Variants in ZSCAN5A observed in about 807,000 individuals in gnomAD.
ZSCAN5A encodes the protein zinc finger and SCAN domain-containing protein 5A.
In ZSCAN5A, 12 loss-of-function variants were observed where a neutral mutation model predicts 23.7. The ratio of observed to expected loss-of-function variants is 0.51; its 90% CI spans 0.32 to 0.82. The LOEUF (loss-of-function observed/expected upper bound fraction) is 0.82. ZSCAN5A is among the 40% of genes least tolerant of loss of function. The pLI, the probability that ZSCAN5A is intolerant of heterozygous loss-of-function variation, is 0.03. For synonymous variants in ZSCAN5A, 257 were observed against 239.9 expected (o/e 1.07, Z -0.66); for missense variants, 597 against 617.9 (o/e 0.97, Z 0.36).
chr19:56,247,457 C>T (rs1190672935), intron 2 of ZSCAN5A: 1 of 168,414 alleles, frequency 5.9e-6, no homozygotes, highest in Non-Finnish European at 1.3e-5. Context: ...CACCAGAAAA[C>T]ACATCAAGAA....
intron 2 of ZSCAN5A, among the ~76,000 whole-genome samples, chr19:56,322,476 C>T (rs1329828586): frequency 1.3e-5 from 2 of 152,210 alleles, no homozygotes; most frequent in Admixed American, 6.5e-5. Context: ...TTACACTTCA[C>T]CAGCTTTTCC....
At chr19:56,299,581 T>A (rs1463775048) in intron 2 of ZSCAN5A, among the ~76,000 whole-genome samples, 1 of 152,110 alleles carries the variant, frequency 6.6e-6, no homozygotes. Context: ...AGGGGTTGGG[T>A]CCAGGACCTC....
At chr19:56,233,852 A>T (rs1000279305) in intron 2 of ZSCAN5A, among the ~76,000 whole-genome samples, 11 of 152,112 alleles carry the variant, frequency 7.2e-5, no homozygotes, top group Non-Finnish European at 2.9e-5. Flanking sequence ...GCAAATGCGG[A>T]GCCACCCTCA....
intron 2 of ZSCAN5A, among the ~76,000 whole-genome samples, chr19:56,251,148 TAAAA>T (rs34825803): frequency 2.3e-5 from 3 of 131,028 alleles, no homozygotes; most frequent in Non-Finnish European, 4.8e-5. Context: ...AGACTCCGTG[TAAAA>T]AAAAAAAAAA....
intron 2 of ZSCAN5A, among the ~76,000 whole-genome samples, chr19:56,265,754 T>C (rs1207374357): frequency 1.3e-5 from 2 of 152,160 alleles, no homozygotes; most frequent in African/African-American, 4.8e-5. Flanking sequence ...AAGCATTAAA[T>C]CTGCTTCTTC....
chr19:56,340,399 C>T (rs773092845), intron 2 of ZSCAN5A, among the ~76,000 whole-genome samples: 1 of 152,264 alleles, frequency 6.6e-6, no homozygotes, highest in Non-Finnish European at 1.5e-5. Flanking sequence ...GTTAGATTGT[C>T]GGATCTCCAG....
chr19:56,234,748 G>A (rs2868537), intron 2 of ZSCAN5A, among the ~76,000 whole-genome samples: 115,771 of 152,102 alleles, frequency 0.76, 44,297 homozygotes, highest in Admixed American at 0.81. Flanking sequence ...AATCAATCAC[G>A]ACCCTTTCAT....
chr19:56,280,906 A>G (rs797002061), intron 2 of ZSCAN5A, among the ~76,000 whole-genome samples: 12 of 152,268 alleles, frequency 7.9e-5, no homozygotes, highest in African/African-American at 2.9e-4. Context: ...AAACCATAAC[A>G]CATACACATT....
At chr19:56,254,542 G>A (rs1217522624) in intron 2 of ZSCAN5A, among the ~76,000 whole-genome samples, 2 of 152,098 alleles carry the variant, frequency 1.3e-5, no homozygotes, top group African/African-American at 2.4e-5. Flanking sequence ...CTGAGCTATT[G>A]TGAATAACGT....
intron 2 of ZSCAN5A, among the ~76,000 whole-genome samples, chr19:56,251,878 T>C (rs1322776270): frequency 6.6e-6 from 1 of 152,222 alleles, no homozygotes; most frequent in Non-Finnish European, 1.5e-5. Flanking sequence ...TTGTTTTTTA[T>C]ATTTTTAAAG....
intron 2 of ZSCAN5A, among the ~76,000 whole-genome samples, chr19:56,331,217 T>A (rs953300987): frequency 1.3e-5 from 2 of 152,198 alleles, no homozygotes; most frequent in African/African-American, 2.4e-5. Context: ...CAGTTTGAAG[T>A]CAAGTAATGT....
rs374521920 is a variant in ZSCAN5A, at chr19:56,311,560, T to C, written c.-128+1723A>G. Among the ~76,000 whole-genome samples, 4 of 152,348 alleles carry C rather than the reference T, an allele frequency of 2.6e-5. No homozygotes were observed. The East Asian group carries it at 7.7e-4, about 29-fold the overall frequency. On this transcript the variant is annotated intron_variant, in intron 2 of 5. Transcript: ENST00000683990. ...TGAGCCTGAAGCATCAGTTGGTATA[T>C]TTCATAGACGGATGGAAAATTCTTT...
chr19:56,367,348 T>A (rs913725724), intron 1 of ZSCAN5A: 11 of 151,832 alleles, frequency 7.2e-5, no homozygotes, highest in African/African-American at 2.7e-4. Flanking sequence ...GGCAATAGAG[T>A]GAGATGCTGT....
chr19:56,327,678 T>G (rs1254665635), intron 2 of ZSCAN5A, among the ~76,000 whole-genome samples: 1 of 151,528 alleles, frequency 6.6e-6, no homozygotes, highest in African/African-American at 2.4e-5. Flanking sequence ...TAAATGTATT[T>G]TATGTATTCT....
At chr19:56,286,384 G>A (rs536891706) in intron 2 of ZSCAN5A, 4 of 151,830 alleles carry the variant, frequency 2.6e-5, no homozygotes, top group African/African-American at 7.3e-5. Flanking sequence ...TTTCACAGAC[G>A]GACTGAACCC....
intron 2 of ZSCAN5A, among the ~76,000 whole-genome samples, chr19:56,342,087 A>G (rs1038785795): frequency 6.6e-6 from 1 of 152,180 alleles, no homozygotes; most frequent in Non-Finnish European, 1.5e-5. Context: ...AAACACTACT[A>G]TCATTTCTCT....
intron 2 of ZSCAN5A, among the ~76,000 whole-genome samples, chr19:56,327,877 T>C (rs1422304322): frequency 6.6e-6 from 1 of 152,132 alleles, no homozygotes; most frequent in African/African-American, 2.4e-5. Context: ...CATACGTGTA[T>C]ATATTTCCCA....
At chr19:56,284,151 T>C (rs557022933) in intron 2 of ZSCAN5A, 47 of 985,388 alleles carry the variant, frequency 4.8e-5, no homozygotes, top group Non-Finnish European at 5.4e-5. Flanking sequence ...GGACCACGCA[T>C]GTAACCTTGG....
chr19:56,309,342 T>C lies in ZSCAN5A; in HGVS notation c.-128+3941A>G, dbSNP rs80345236. On this transcript the variant is annotated intron_variant, in intron 2 of 5. Transcript: ENST00000683990. ...TGACTGCTTTTAATGGATTTCTTTT[T>C]TGGGTTGATGAAAATGTTCCACTCT... Among the ~76,000 whole-genome samples, 903 of 152,308 alleles carry C rather than the reference T, an allele frequency of 5.9e-3. 10 individuals carry two copies. The highest frequency in any genetic ancestry group is 0.02 in the African/African-American group (847 of 41,556).
Sources: gnomAD v4.1 joint callset for allele counts (sites outside exome capture counted in the v4.1 genomes callset) on GRCh38, gnomAD v4.1.1 for gene constraint, MANE v1.5 for transcripts, NCBI Gene and HGNC (gene_info 2026-07-23, HGNC 2026-07-21) for gene names.